SLC48A1: variants seen among roughly 807,000 people sequenced by gnomAD.
SLC48A1 encodes heme transporter HRG1.
Under a neutral mutation model 14.8 loss-of-function variants are expected in SLC48A1, and 6 were observed. The observed-to-expected ratio is 0.41, with a 90% confidence interval of 0.22 to 0.80. SLC48A1 has a LOEUF of 0.80. SLC48A1 is among the 30% of genes least tolerant of loss of function. The probability of loss-of-function intolerance (pLI) is 0.34; values close to 1 mark genes in which losing one functional copy is unlikely to be tolerated. For missense variants in SLC48A1, 165 were observed against 204.8 expected, an observed-to-expected ratio of 0.81 and a Z score of 1.19; for synonymous variants, 89 against 90.0, an observed-to-expected ratio of 0.99 and a Z score of 0.06.
chr12:47,778,143 C>G (rs1223759282), intron 1 of SLC48A1, among the ~76,000 whole-genome samples: 1 of 152,238 alleles, frequency 6.6e-6, no homozygotes, highest in Non-Finnish European at 1.5e-5. Context: ...TTGGGCTGCA[C>G]CAGCAGGCAC....
intron 1 of SLC48A1, among the ~76,000 whole-genome samples, chr12:47,774,124 C>T (rs1168440520): frequency 1.3e-5 from 2 of 152,208 alleles, no homozygotes; most frequent in Admixed American, 6.5e-5. Context: ...TCCTGCAGGC[C>T]AGCCGCCCTT....
chr12:47,764,729 C>T (rs1305598828), intron 2 of SLC48A1, among the ~76,000 whole-genome samples: 1 of 152,212 alleles, frequency 6.6e-6, no homozygotes, highest in African/African-American at 2.4e-5. Context: ...ACCGAATAGG[C>T]CAAAGTTTTC....
At chr12:47,755,338 C>T (rs1941990879), upstream of SLC48A1, among the ~76,000 whole-genome samples, 1 of 152,136 alleles carries the variant, frequency 6.6e-6, no homozygotes, top group Admixed American at 6.5e-5. Flanking sequence ...AAAGGCAAAC[C>T]TCTTTCAATA....
At position 47,779,087 on chromosome 12, in the gene SLC48A1, A is replaced by C; in HGVS notation, c.196A>C (p.Thr66Pro). Residue 66 changes from threonine to proline, a missense_variant, in exon 2 of 3, where the codon ACC (threonine) becomes CCC (proline). By Grantham distance (38) the Thr-to-Pro change is conservative. Coordinates refer to ENST00000442218, the MANE Select transcript of SLC48A1 (RefSeq NM_017842.3). ...GATGTACATGCAAGATTATTGGAGG[A>C]CCTGGCTCAAGGGGCTGCGCGGCTT... ...HVMYMQDYWR[T>P]WLKGLRGFFF... is the part of the protein sequence containing the mutation. The C allele has an allele frequency of 6.4e-7, 1 of 1,551,690 alleles. No homozygotes were observed. Among genetic ancestry groups the C allele is most frequent in the Non-Finnish European group, 8.7e-7 (1 of 1,147,008 alleles).
Position 47,773,383 on chromosome 12 carries a change from C to T in SLC48A1, c.79C>T (p.Leu27Phe). 6.8e-7 allele frequency: 1 copy of T among 1,477,374 alleles called. No individual in the cohort carries two copies. Among genetic ancestry groups the T allele is most frequent in the Non-Finnish European group, 9.0e-7 (1 of 1,112,954 alleles). The allele number at this position is 1,477,374 out of a possible 1,614,324, so 91.5% of individuals were successfully genotyped here. Residue 27 changes from leucine (L) to phenylalanine (F), a missense_variant, in exon 1 of 3, where the codon CTC becomes TTC. Transcript: ENST00000442218. ...ISSVAGFSIFLVWTVVYRQPG... is the reference protein window; with the variant it reads ...ISSVAGFSIFFVWTVVYRQPG... ...CTCCGTGGCCGGCTTCTCCATCTTC[C>T]TCGTCTGGACGGTGGTCTACCGACA...
chr12:47,778,600 G>A (rs540763807), intron 1 of SLC48A1: 1 of 159,072 alleles, frequency 6.3e-6, no homozygotes, highest in African/African-American at 2.4e-5. Context: ...TGGTTTTCAG[G>A]ATCCTTTTAT....
chr12:47,759,386 G>A (rs942161302), intron 1 of SLC48A1, among the ~76,000 whole-genome samples: 1 of 146,004 alleles, frequency 6.8e-6, no homozygotes, highest in Non-Finnish European at 1.5e-5. Context: ...CCACAGTTCC[G>A]TTCCCAGACC....
At chr12:47,757,173 A>G (rs765193320), upstream of SLC48A1, among the ~76,000 whole-genome samples, 4 of 152,072 alleles carry the variant, frequency 2.6e-5, no homozygotes, top group Non-Finnish European at 5.9e-5. Flanking sequence ...AAGCTACTCT[A>G]TTTAGTCTGG....
chr12:47,761,498 G>T (rs1332425644), intron 2 of SLC48A1, among the ~76,000 whole-genome samples: 1 of 152,202 alleles, frequency 6.6e-6, no homozygotes, highest in Non-Finnish European at 1.5e-5. Context: ...CCTCTAACAG[G>T]CAAGGCCCCC....
chr12:47,761,851 G>A (rs1461826233), intron 2 of SLC48A1, among the ~76,000 whole-genome samples: 1 of 152,098 alleles, frequency 6.6e-6, no homozygotes, highest in African/African-American at 2.4e-5. Context: ...TATGAGATAA[G>A]GTTGTTATTT....
At chr12:47,766,160 G>A (rs931733596) in intron 2 of SLC48A1, among the ~76,000 whole-genome samples, 2 of 152,180 alleles carry the variant, frequency 1.3e-5, no homozygotes, top group African/African-American at 2.4e-5. Flanking sequence ...CCATTCAGCT[G>A]GACTAGAGGG....
intron 2 of SLC48A1, among the ~76,000 whole-genome samples, chr12:47,764,158 A>ATGTG (rs146261285): frequency 2.0e-5 from 3 of 151,288 alleles, no homozygotes; most frequent in African/African-American, 7.3e-5. Flanking sequence ...ATGTGTGTGT[A>ATGTG]TGTGTGTGTG....
intron 1 of SLC48A1, chr12:47,758,727 G>A (rs1180204687): frequency 9.6e-6 from 13 of 1,355,550 alleles, no homozygotes; most frequent in Non-Finnish European, 1.2e-5. Context: ...GCAGGATGCA[G>A]GGCTCGGTGG....
chr12:47,762,012 T>A (rs1942391402), intron 2 of SLC48A1, among the ~76,000 whole-genome samples: 1 of 152,106 alleles, frequency 6.6e-6, no homozygotes, highest in South Asian at 2.1e-4. Flanking sequence ...GTCCTGCCTC[T>A]GAAACATACT....
upstream of SLC48A1, among the ~76,000 whole-genome samples, chr12:47,768,364 A>AGGCT (rs1199942099): frequency 1.3e-5 from 2 of 152,148 alleles, no homozygotes; most frequent in African/African-American, 4.8e-5. Context: ...ACCAGTTAGG[A>AGGCT]GGCTGCTGCA....
At position 47,773,331 on chromosome 12, in the gene SLC48A1, C is replaced by T. The variant is rs1169513958; in HGVS notation, c.27C>T (p.Gly9=). 6.8e-7 allele frequency: 1 copy of T among 1,472,010 alleles called. No individual in the cohort carries two copies. Among genetic ancestry groups the T allele is most frequent in the South Asian group, 1.3e-5 (1 of 77,250 alleles). 91.2% of individuals were successfully genotyped at this position (1,472,010 alleles called of 1,614,324 possible). A position where few individuals can be genotyped will look rare whatever the true frequency, so the allele number is the denominator to read the frequency against. Residue 9 remains glycine (G), a synonymous_variant, in exon 1 of 3, where the codon GGC becomes GGT. Coordinates refer to ENST00000442218, the MANE Select transcript of SLC48A1 (RefSeq NM_017842.3). MAPSRLQL[G]LRAAYSGISS... ...TGGCCCCGTCCAGGCTGCAGCTCGGCCTCCGCGCCGCCTACTCCGGCATCA... is the reference window on the plus strand; with the variant it reads ...TGGCCCCGTCCAGGCTGCAGCTCGGTCTCCGCGCCGCCTACTCCGGCATCA...
chr12:47,758,306 C>T (rs1592588270), upstream of SLC48A1: 1 of 1,432,712 alleles, frequency 7.0e-7, no homozygotes, highest in East Asian at 2.5e-5. Flanking sequence ...AGATCAGGCC[C>T]TTCTTAGTCC....
upstream of SLC48A1, among the ~76,000 whole-genome samples, chr12:47,771,994 C>A (rs1389917260): frequency 1.3e-5 from 2 of 151,888 alleles, no homozygotes; most frequent in African/African-American, 4.8e-5. Flanking sequence ...ACAAGGCAAC[C>A]CTGATGTCCC....
At chr12:47,754,534 C>T (rs1427877407), upstream of SLC48A1, among the ~76,000 whole-genome samples, 2 of 152,174 alleles carry the variant, frequency 1.3e-5, no homozygotes, top group Admixed American at 6.5e-5. Flanking sequence ...GTGCTGATTA[C>T]TGAAGTTTGC....
Sources: allele counts gnomAD v4.1 joint callset (sites outside exome capture counted in the v4.1 genomes callset), GRCh38; gene constraint gnomAD v4.1.1; transcripts MANE v1.5; gene names NCBI Gene and HGNC (gene_info 2026-07-23, HGNC 2026-07-21).